The following KCNQ5 variants were observed in gnomAD, a reference collection of about 807,000 sequenced individuals.
KCNQ5 encodes potassium voltage-gated channel subfamily Q member 5, also known as potassium voltage-gated channel subfamily KQT member 5.
Under a neutral mutation model 98.2 loss-of-function variants are expected in KCNQ5, and 30 were observed. The ratio of observed to expected loss-of-function variants is 0.31; its 90% CI spans 0.23 to 0.41. KCNQ5 has a LOEUF of 0.41. Among genes scored for constraint, KCNQ5 ranks in the 10% least tolerant of loss-of-function variants. The pLI is 1.00. For missense variants in KCNQ5, 835 were observed against 1,182.5 expected (o/e 0.71, Z 4.31); for synonymous variants, 458 against 449.4 (o/e 1.02, Z -0.24).
intron 1 of KCNQ5, among the ~76,000 whole-genome samples, chr6:72,630,879 C>A (rs143224995): frequency 3.3e-5 from 5 of 152,168 alleles, no homozygotes; most frequent in African/African-American, 1.2e-4. Context: ...ATTGGATTTC[C>A]ATTTTAGATT....
intron 6 of KCNQ5, among the ~76,000 whole-genome samples, chr6:73,108,432 A>G (rs903990890): frequency 6.6e-6 from 1 of 152,242 alleles, no homozygotes; most frequent in Non-Finnish European, 1.5e-5. Context: ...TTGACTCACG[A>G]TATTAACCAT....
chr6:72,754,416 T>G (rs1194845215), intron 1 of KCNQ5, among the ~76,000 whole-genome samples: 2 of 152,128 alleles, frequency 1.3e-5, no homozygotes, highest in African/African-American at 4.8e-5. Context: ...AGTTTTGTTG[T>G]GGTTTGAGAG....
chr6:72,941,457 TTCCTTCTTCCTTCCC>T (rs1282014849), intron 1 of KCNQ5, among the ~76,000 whole-genome samples: 2 of 81,482 alleles, frequency 2.5e-5, no homozygotes, highest in Non-Finnish European at 5.6e-5. Flanking sequence ...CATTCCTTCC[TTCCTTCTTCCTTCCC>T]TCCTTCCCTC....
intron 1 of KCNQ5, among the ~76,000 whole-genome samples, chr6:72,813,049 C>T (rs1257449356): frequency 6.6e-6 from 1 of 151,950 alleles, no homozygotes; most frequent in Non-Finnish European, 1.5e-5. Context: ...TCCTGGTGAA[C>T]ATGCATTAGT....
At chr6:72,939,100 T>C (rs1766102925) in intron 1 of KCNQ5, among the ~76,000 whole-genome samples, 1 of 152,174 alleles carries the variant, frequency 6.6e-6, no homozygotes, top group Non-Finnish European at 1.5e-5. Flanking sequence ...ATGTTGCCAA[T>C]ATTGTCAATT....
Position 73,194,636 on chromosome 6 carries a change from G to T in KCNQ5, c.2021G>T (p.Gly674Val). The change falls in exon 14 of 14, where the codon GGC becomes GTC. Residue 674 changes from glycine (G) to valine (V), a missense_variant. Transcript: ENST00000370398. ...CTTTCGGGTTCCGCACAAAACAGTG[G>T]CTGCTTATCCAGATCAACTAGTGCC... ...KDLSGSAQNS[G>V]CLSRSTSANI... The T allele has an allele frequency of 6.2e-7, 1 of 1,614,230 alleles. No individual in the cohort carries two copies. The highest frequency in any genetic ancestry group is 1.3e-5 in the African/African-American group (1 of 75,056).
chr6:72,863,681 A>C (rs1324536891), intron 1 of KCNQ5, among the ~76,000 whole-genome samples: 1 of 152,228 alleles, frequency 6.6e-6, no homozygotes, highest in East Asian at 1.9e-4. Context: ...CTGGACAATA[A>C]AGTAAGGCAT....
intron 1 of KCNQ5, among the ~76,000 whole-genome samples, chr6:72,828,563 T>G (rs945809339): frequency 2.0e-5 from 3 of 152,200 alleles, no homozygotes; most frequent in African/African-American, 7.2e-5. Context: ...TTTTTGTATA[T>G]TAATTCTGTA....
chr6:72,636,785 T>C (rs1473000649), intron 1 of KCNQ5, among the ~76,000 whole-genome samples: 2 of 152,216 alleles, frequency 1.3e-5, no homozygotes, highest in African/African-American at 2.4e-5. Context: ...AAGATATTCA[T>C]TTACTGTTTA....
intron 11 of KCNQ5, among the ~76,000 whole-genome samples, chr6:73,179,968 G>C (rs1178419849): frequency 6.6e-6 from 1 of 151,414 alleles, no homozygotes; most frequent in Non-Finnish European, 1.5e-5. Context: ...ACAGAAGCTG[G>C]CATATAATAG....
At chr6:73,165,648 A>T (rs1582473740) in intron 10 of KCNQ5, among the ~76,000 whole-genome samples, 2 of 152,216 alleles carry the variant, frequency 1.3e-5, no homozygotes, top group South Asian at 4.1e-4. Flanking sequence ...TACCAATAAG[A>T]GATACAAGAA....
At chr6:72,960,003 G>A (rs978471931) in intron 1 of KCNQ5, among the ~76,000 whole-genome samples, 3 of 152,208 alleles carry the variant, frequency 2.0e-5, no homozygotes, top group African/African-American at 7.2e-5. Context: ...TAGGCCAGAA[G>A]GGAAAGGAAT....
At chr6:73,035,357 A>G (rs978390849) in intron 2 of KCNQ5, among the ~76,000 whole-genome samples, 5 of 152,232 alleles carry the variant, frequency 3.3e-5, no homozygotes, top group African/African-American at 1.2e-4. Flanking sequence ...GGACAGGACC[A>G]TTGTTAATAA....
chr6:72,884,914 G>A (rs1361944952), intron 1 of KCNQ5, among the ~76,000 whole-genome samples: 3 of 152,024 alleles, frequency 2.0e-5, no homozygotes, highest in African/African-American at 7.2e-5. Flanking sequence ...CACCTTGCCT[G>A]GCAAGATAAT....
chr6:72,912,430 T>C (rs966413302), intron 1 of KCNQ5, among the ~76,000 whole-genome samples: 4 of 152,194 alleles, frequency 2.6e-5, no homozygotes, highest in Admixed American at 6.5e-5. Flanking sequence ...TGTTTGTGAT[T>C]TACCAGCACT....
intron 1 of KCNQ5, among the ~76,000 whole-genome samples, chr6:72,755,762 T>C (rs992913184): frequency 3.9e-5 from 6 of 152,228 alleles, no homozygotes; most frequent in Non-Finnish European, 5.9e-5. Flanking sequence ...TTTAAAAATA[T>C]CCTTTATATG....
chr6:72,790,886 A>C (rs571833273), intron 1 of KCNQ5, among the ~76,000 whole-genome samples: 2 of 152,232 alleles, frequency 1.3e-5, no homozygotes, highest in Non-Finnish European at 2.9e-5. Flanking sequence ...TTGTTTATTC[A>C]ACAAAGGGTT....
intron 1 of KCNQ5, among the ~76,000 whole-genome samples, chr6:72,635,235 G>T (rs2098923371): frequency 6.6e-6 from 1 of 151,794 alleles, no homozygotes; most frequent in Non-Finnish European, 1.5e-5. Context: ...TCACTATGTT[G>T]CTCAGGCTGG....
intron 1 of KCNQ5, among the ~76,000 whole-genome samples, chr6:72,947,813 T>C (rs1766616591): frequency 1.3e-5 from 2 of 152,164 alleles, no homozygotes; most frequent in East Asian, 1.9e-4. Flanking sequence ...GACATATCTA[T>C]TTGGAAAGTT....
Sources: gnomAD v4.1 joint callset for allele counts (sites outside exome capture counted in the v4.1 genomes callset) on GRCh38, gnomAD v4.1.1 for gene constraint, MANE v1.5 for transcripts, NCBI Gene and HGNC (gene_info 2026-07-23, HGNC 2026-07-21) for gene names.